SUFU: variants seen among roughly 807,000 people sequenced by gnomAD.
SUFU encodes SUFU negative regulator of hedgehog signaling.
SUFU carries 7 observed loss-of-function variants against 58.9 expected under a neutral mutation model. That is an observed-to-expected ratio of 0.12 (90% CI 0.07 to 0.22). SUFU has a LOEUF of 0.22. SUFU is among the 10% of genes least tolerant of loss of function. SUFU has a pLI of 1.00. For missense variants in SUFU, 451 were observed against 641.3 expected, an observed-to-expected ratio of 0.70 and a Z score of 3.20; for synonymous variants, 232 against 254.8, an observed-to-expected ratio of 0.91 and a Z score of 0.85.
intron 3 of SUFU, among the ~76,000 whole-genome samples, chr10:102,553,883 C>G (rs867483681): frequency 6.6e-6 from 1 of 152,170 alleles, no homozygotes; most frequent in East Asian, 1.9e-4. Flanking sequence ...GGCCTAAGCC[C>G]AGGAGTTCAG....
intron 2 of SUFU, among the ~76,000 whole-genome samples, chr10:102,537,963 G>A (rs1455034878): frequency 2.6e-4 from 39 of 152,126 alleles, no homozygotes; most frequent in Admixed American, 2.6e-3. Context: ...TTTAATTTTT[G>A]AGGAACCGCC....
At chr10:102,525,966 C>T (rs2062604162) in intron 2 of SUFU, among the ~76,000 whole-genome samples, 1 of 152,120 alleles carries the variant, frequency 6.6e-6, no homozygotes, top group African/African-American at 2.4e-5. Flanking sequence ...AGTACAAGTG[C>T]TGTGTTGAAA....
At chr10:102,616,946 A>G (rs960215662) in intron 9 of SUFU, among the ~76,000 whole-genome samples, 2 of 152,196 alleles carry the variant, frequency 1.3e-5, no homozygotes, top group Non-Finnish European at 2.9e-5. Context: ...ACCTCTGGGC[A>G]TGACCTTCAG....
intron 8 of SUFU, among the ~76,000 whole-genome samples, chr10:102,603,552 C>G (rs2063534474): frequency 6.6e-6 from 1 of 152,192 alleles, no homozygotes; most frequent in African/African-American, 2.4e-5. Flanking sequence ...TGAGGCACCT[C>G]TAAAAAGCGA....
intron 3 of SUFU, chr10:102,590,913 T>C (rs2063393208): frequency 6.6e-6 from 1 of 152,224 alleles, no homozygotes. Context: ...TCTAGTTGGC[T>C]CTACCTGAAG....
rs544734275 is a variant in SUFU, at chr10:102,594,037, C to A, written c.728C>A (p.Thr243Asn). 53 of 1,613,606 alleles carry A rather than the reference C, an allele frequency of 3.3e-5. No individual in the cohort carries two copies. Among genetic ancestry groups the A allele is most frequent in the South Asian group, 1.5e-4 (14 of 91,048 alleles). ...ATAACTGACATGCGGAGGGGAGAGA[C>A]CATATTTGAGATCGATCCACACCTG... ...WLITDMRRGETIFEIDPHLQE... is the reference protein window; with the variant it reads ...WLITDMRRGENIFEIDPHLQE... The change falls in exon 6 of 12, where the codon ACC becomes AAC. Residue 243 changes from threonine (T) to asparagine (N), a missense_variant. By Grantham distance (65) the Thr-to-Asn change is moderately conservative (BLOSUM62 0). Coordinates refer to ENST00000369902, the MANE Select transcript of SUFU (RefSeq NM_016169.4).
chr10:102,612,734 G>A (rs1175091746), intron 8 of SUFU, among the ~76,000 whole-genome samples: 1 of 152,112 alleles, frequency 6.6e-6, no homozygotes, highest in Non-Finnish European at 1.5e-5. Context: ...GTCAAAGATG[G>A]CACAGGGGAG....
At chr10:102,564,478 G>A (rs377459531) in intron 3 of SUFU, among the ~76,000 whole-genome samples, 4 of 152,124 alleles carry the variant, frequency 2.6e-5, no homozygotes, top group East Asian at 1.9e-4. Flanking sequence ...GATTACAGGC[G>A]TGCACCACCA....
intron 3 of SUFU, among the ~76,000 whole-genome samples, chr10:102,556,011 G>C (rs375229999): frequency 6.6e-6 from 1 of 152,222 alleles, no homozygotes; most frequent in Admixed American, 6.5e-5. Flanking sequence ...CCATTTGCAC[G>C]TGAGAACATG....
At chr10:102,588,566 T>G (rs1168245610) in intron 3 of SUFU, among the ~76,000 whole-genome samples, 1 of 152,190 alleles carries the variant, frequency 6.6e-6, no homozygotes, top group Non-Finnish European at 1.5e-5. Context: ...ACCTTCAACT[T>G]TGCTCGTCTT....
chr10:102,578,933 C>A (rs1017866412), intron 3 of SUFU, among the ~76,000 whole-genome samples: 3 of 151,738 alleles, frequency 2.0e-5, no homozygotes, highest in African/African-American at 7.3e-5. Context: ...AGGTGGCAGG[C>A]CCTCGTGCTG....
intron 2 of SUFU, among the ~76,000 whole-genome samples, chr10:102,539,078 G>T (rs2135716170): frequency 6.6e-6 from 1 of 152,294 alleles, no homozygotes; most frequent in South Asian, 2.1e-4. Context: ...GCTTTTCCTG[G>T]TATGTGGGGC....
chr10:102,593,568 G>C lies in SUFU; in HGVS notation c.598-68G>C, dbSNP rs77555631. The C allele has an allele frequency of 1.7e-3, 2,649 of 1,521,390 alleles. 36 individuals carry two copies. The African/African-American group carries it at 0.032, about 18-fold the overall frequency. The allele number at this position is 1,521,390 out of a possible 1,614,324, so 94.2% of individuals were successfully genotyped here. On this transcript the variant is annotated intron_variant, in intron 4 of 11. Coordinates refer to ENST00000369902, the MANE Select transcript of SUFU (RefSeq NM_016169.4). ...AACTGGAGGTGACTCAGAGAGCCTG[G>C]GTAGCTGACCTTCTTGGGGTGGGGG...
intron 3 of SUFU, among the ~76,000 whole-genome samples, chr10:102,566,809 G>C (rs2063095183): frequency 6.9e-6 from 1 of 145,500 alleles, no homozygotes; most frequent in Non-Finnish European, 1.5e-5. Context: ...CGGGCATGGT[G>C]GTGGGCACCT....
At chr10:102,588,936 T>G (rs2063364704) in intron 3 of SUFU, among the ~76,000 whole-genome samples, 1 of 152,162 alleles carries the variant, frequency 6.6e-6, no homozygotes, top group Non-Finnish European at 1.5e-5. Context: ...TTTATTTATT[T>G]TTTTGAGACA....
chr10:102,604,920 C>CTTT (rs769490548), intron 8 of SUFU, among the ~76,000 whole-genome samples: 1 of 86,432 alleles, frequency 1.2e-5, no homozygotes, highest in African/African-American at 4.7e-5. Flanking sequence ...AAAATATTGC[C>CTTT]TTTTTTTTTT....
At chr10:102,560,136 T>C (rs2063020974) in intron 3 of SUFU, among the ~76,000 whole-genome samples, 1 of 152,236 alleles carries the variant, frequency 6.6e-6, no homozygotes, top group Non-Finnish European at 1.5e-5. Flanking sequence ...AAGAAATACT[T>C]GCTCATTATA....
At chr10:102,518,189 G>A (rs909237145) in intron 2 of SUFU, among the ~76,000 whole-genome samples, 1 of 152,066 alleles carries the variant, frequency 6.6e-6, no homozygotes, top group African/African-American at 2.4e-5. Flanking sequence ...TTAATCCTCA[G>A]AACAACTCTA....
At chr10:102,529,704 C>T (rs893163515) in intron 2 of SUFU, among the ~76,000 whole-genome samples, 11 of 151,200 alleles carry the variant, frequency 7.3e-5, no homozygotes, top group South Asian at 2.1e-4. Context: ...AAATATTAGC[C>T]GGGAGGCCAA....
Sources: gnomAD v4.1 joint callset for allele counts (sites outside exome capture counted in the v4.1 genomes callset) on GRCh38, gnomAD v4.1.1 for gene constraint, MANE v1.5 for transcripts, NCBI Gene and HGNC (gene_info 2026-07-23, HGNC 2026-07-21) for gene names.